The following EFCAB12 variants were observed in gnomAD, a reference collection of about 807,000 sequenced individuals.
EFCAB12 encodes the protein EF-hand calcium binding domain 12.
A neutral mutation model predicts 53.6 loss-of-function variants in EFCAB12; 43 were observed. That is an observed-to-expected ratio of 0.80 (90% CI 0.63 to 1.03). EFCAB12 has a LOEUF of 1.03. Ranked by LOEUF, EFCAB12 falls within the 50% of genes least tolerant of loss-of-function variation. The probability of loss-of-function intolerance (pLI) is 0.00; values close to 1 mark genes in which losing one functional copy is unlikely to be tolerated. For synonymous variants in EFCAB12, 269 were observed against 289.2 expected, an observed-to-expected ratio of 0.93 and a Z score of 0.71; for missense variants, 646 against 730.6, an observed-to-expected ratio of 0.88 and a Z score of 1.34.
intron 1 of EFCAB12, among the ~76,000 whole-genome samples, chr3:129,422,121 C>G (rs1010692287): frequency 6.6e-6 from 1 of 152,158 alleles, no homozygotes. Context: ...TCTGAGGCAG[C>G]ACAGTATTAA....
In EFCAB12 at chr3:129,411,270, A is replaced by G; in HGVS notation, c.923T>C (p.Val308Ala). 6.2e-7 allele frequency: 1 copy of G among 1,613,592 alleles called. No individual in the cohort carries two copies. The highest frequency in any genetic ancestry group is 8.5e-7 in the Non-Finnish European group (1 of 1,179,620). Residue 308 changes from valine (V) to alanine (A), a missense_variant, in exon 5 of 9, where the codon GTG becomes GCG. Coordinates refer to ENST00000505956, the MANE Select transcript of EFCAB12 (RefSeq NM_207307.3). ...EVDSAPQLPK[V>A]DLLTVPAVDT... is the part of the protein sequence containing the mutation. ...GACTGCAGGCACCGTCAGTAGGTCC[A>G]CTTTGGGAAGCTGTGGGGCTGAATC...
chr3:129,415,023 T>C (rs2072095273), intron 4 of EFCAB12: 2 of 461,752 alleles, frequency 4.3e-6, no homozygotes, highest in Non-Finnish European at 7.4e-6. Flanking sequence ...TGGGACTCAT[T>C]TGTCTTTGAA....
chr3:129,411,827 G>C (rs1311292311), intron 4 of EFCAB12: 1 of 152,938 alleles, frequency 6.5e-6, no homozygotes. Context: ...CCAGCTATTC[G>C]GGAGGCTGAG....
intron 7 of EFCAB12, 33 bp from the exon 8 acceptor site, chr3:129,402,612 G>C (rs763853802): frequency 6.9e-6 from 11 of 1,603,954 alleles, no homozygotes; most frequent in Non-Finnish European, 9.4e-6. Context: ...TTTGTGAGGA[G>C]AGTGGAAATC....
At chr3:129,426,650 C>T (rs988781023) in intron 1 of EFCAB12, among the ~76,000 whole-genome samples, 11 of 151,226 alleles carry the variant, frequency 7.3e-5, no homozygotes, top group African/African-American at 2.2e-4. Flanking sequence ...AGGCGTGAGC[C>T]ACGGCGCCCG....
chr3:129,418,245 G>A lies in EFCAB12; in HGVS notation c.681+9C>T, dbSNP rs765542838. ...TTAGGCCCATCCAGAGAAAGCAGGT[G>A]GCACTTACTGCCTTTACAGCCGCGA... is the stretch of plus-strand genomic sequence containing the variant. On this transcript the variant is annotated intron_variant, in intron 3 of 8. Coordinates refer to ENST00000505956, the MANE Select transcript of EFCAB12 (RefSeq NM_207307.3). 1.4e-5 allele frequency: 23 copies of A among 1,600,418 alleles called. No homozygotes were observed. Among genetic ancestry groups the A allele is most frequent in the African/African-American group, 2.7e-5 (2 of 74,772 alleles).
intron 6 of EFCAB12, 24 bp from the exon 7 acceptor site, chr3:129,404,427 T>C: frequency 1.3e-6 from 2 of 1,598,292 alleles, no homozygotes; most frequent in Non-Finnish European, 1.7e-6. Context: ...GAGAAACATC[T>C]GCACCCATCA....
chr3:129,421,811 T>C lies in EFCAB12; in HGVS notation c.50-8A>G, dbSNP rs1221010951. 2 of 1,598,918 alleles carry C rather than the reference T, an allele frequency of 1.3e-6. No homozygotes were observed. Among genetic ancestry groups the C allele is most frequent in the South Asian group, 2.2e-5 (2 of 90,116 alleles). On this transcript the variant is annotated splice_polypyrimidine_tract_variant and splice_region_variant and intron_variant, in intron 1 of 8. Coordinates refer to ENST00000505956, the MANE Select transcript of EFCAB12 (RefSeq NM_207307.3). ...TCTTAGACGGGCAGAGTCCTTGGGG[T>C]AAGAGAGTTAAAAGATGAGTTTCTC...
chr3:129,427,821 C>T (rs1191109884), intron 1 of EFCAB12, among the ~76,000 whole-genome samples: 1 of 152,204 alleles, frequency 6.6e-6, no homozygotes, highest in Non-Finnish European at 1.5e-5. Context: ...ATGATCTTGT[C>T]CCTTCTGACC....
chr3:129,411,067 T>C (rs1392975017), intron 5 of EFCAB12, 91 bp downstream of exon 5: 5 of 1,419,706 alleles, frequency 3.5e-6, no homozygotes, highest in Non-Finnish European at 4.7e-6. Flanking sequence ...TCCCCAGGGT[T>C]CTGCAGCCAG....
chr3:129,411,243 T>C lies in EFCAB12; in HGVS notation c.950A>G (p.Asp317Gly). The C allele has an allele frequency of 6.2e-7, 1 of 1,613,888 alleles. No homozygotes were observed. The highest frequency in any genetic ancestry group is 8.5e-7 in the Non-Finnish European group (1 of 1,179,832). ...KVDLLTVPAV[D>G]TQMETRPMTL... ...CATGGGCCGCGTCTCCATCTGCGTG[T>C]CGACTGCAGGCACCGTCAGTAGGTC... The change falls in exon 5 of 9, where the codon GAC (aspartate) becomes GGC (glycine). Residue 317 changes from aspartate (D) to glycine (G), a missense_variant. Asp to Gly is a moderately conservative substitution (Grantham distance 94, BLOSUM62 -1). Coordinates refer to ENST00000505956, the MANE Select transcript of EFCAB12 (RefSeq NM_207307.3).
At chr3:129,417,218 G>A (rs72984794) in intron 3 of EFCAB12, among the ~76,000 whole-genome samples, 9,722 of 151,078 alleles carry the variant, frequency 0.064, 945 homozygotes, top group East Asian at 0.44. Flanking sequence ...CCAACTACTC[G>A]GGAGTCTGAG....
chr3:129,401,502 C>T lies in EFCAB12; in HGVS notation c.*91G>A. 7.0e-7 allele frequency: 1 copy of T among 1,437,450 alleles called. No homozygotes were observed. The highest frequency in any genetic ancestry group is 9.2e-7 in the Non-Finnish European group (1 of 1,086,452). 89.0% of individuals were successfully genotyped at this position (1,437,450 alleles called of 1,614,324 possible). On this transcript the variant is annotated 3_prime_UTR_variant, in exon 9 of 9. Transcript: ENST00000505956. The stretch of plus-strand genomic sequence containing the variant: ...TTGAAAGGATTTCTTTAGTTTGACT[C>T]TTTGACACTCCTCTTGTGTCTGGGC...
At chr3:129,424,152 T>C (rs2072222383) in intron 1 of EFCAB12, among the ~76,000 whole-genome samples, 1 of 152,238 alleles carries the variant, frequency 6.6e-6, no homozygotes, top group South Asian at 2.1e-4. Flanking sequence ...AGTTCCCCTG[T>C]GTCCTCGGTG....
intron 1 of EFCAB12, among the ~76,000 whole-genome samples, chr3:129,426,357 T>G (rs1559793998): frequency 1.5e-5 from 2 of 137,442 alleles, no homozygotes; most frequent in Non-Finnish European, 3.0e-5. Flanking sequence ...GGGTTTTTTT[T>G]TGTTTTTTTT....
At chr3:129,412,331 A>G (rs2072052886) in intron 4 of EFCAB12, 1 of 152,366 alleles carries the variant, frequency 6.6e-6, no homozygotes, top group African/African-American at 2.4e-5. Context: ...GCAGTAAGCT[A>G]TGATCACACC....
In EFCAB12 at chr3:129,417,332, A is replaced by AC. The variant is rs1389765932; in HGVS notation, c.681+921_681+922insG. ...GAGTGAGACTCTGCCTCAAAAAAAA[A>AC]AAAAAAACCAAAAAAAAAAAACCCA... On this transcript the variant is annotated intron_variant, in intron 3 of 8. Transcript: ENST00000505956. Among the ~76,000 whole-genome samples, 81 of 136,748 alleles carry AC rather than the reference A, an allele frequency of 5.9e-4. 1 individual carries two copies. Among genetic ancestry groups the AC allele is most frequent in the African/African-American group, 2.4e-3 (80 of 33,076 alleles). The allele number at this position is 136,748 out of a possible 152,430, so 89.7% of individuals were successfully genotyped here.
chr3:129,413,614 TAA>T (rs1484932460), intron 4 of EFCAB12: 1 of 152,244 alleles, frequency 6.6e-6, no homozygotes, highest in African/African-American at 2.4e-5. Flanking sequence ...AAGCCTCTGA[TAA>T]ACTCTTCCAC....
chr3:129,411,401 C>T (rs760368895), intron 4 of EFCAB12, 47 bp from the exon 5 acceptor site: 1 of 1,514,402 alleles, frequency 6.6e-7, no homozygotes, highest in South Asian at 1.3e-5. Flanking sequence ...TAAGAGGGTG[C>T]CCAGCCACGG....
Sources: allele counts gnomAD v4.1 joint callset (sites outside exome capture counted in the v4.1 genomes callset), GRCh38; gene constraint gnomAD v4.1.1; transcripts MANE v1.5; gene names NCBI Gene and HGNC (gene_info 2026-07-23, HGNC 2026-07-21).